Variants in TSHZ2 observed in about 807,000 individuals in gnomAD.
The protein encoded by TSHZ2 is teashirt zinc finger homeobox 2.
A neutral mutation model predicts 74.4 loss-of-function variants in TSHZ2; 21 were observed. That is an observed-to-expected ratio of 0.28 (90% confidence interval 0.20 to 0.41). The LOEUF is 0.41. Among genes scored for constraint, TSHZ2 ranks in the 10% least tolerant of loss-of-function variants. The pLI, the probability that TSHZ2 is intolerant of heterozygous loss-of-function variation, is 1.00. For missense variants in TSHZ2, 1,244 were observed against 1,293.5 expected, an observed-to-expected ratio of 0.96 and a Z score of 0.59; for synonymous variants, 540 against 515.3, an observed-to-expected ratio of 1.05 and a Z score of -0.65.
chr20:53,440,538 C>T (rs1441711763), intron 2 of TSHZ2, among the ~76,000 whole-genome samples: 1 of 152,198 alleles, frequency 6.6e-6, no homozygotes, highest in Non-Finnish European at 1.5e-5. Context: ...TCCTCAGGCT[C>T]AGGCATTGTT....
chr20:53,187,141 C>G (rs1255503139), intron 1 of TSHZ2, among the ~76,000 whole-genome samples: 3 of 152,244 alleles, frequency 2.0e-5, no homozygotes, highest in East Asian at 1.9e-4. Flanking sequence ...ATTTGACACT[C>G]GCCGCACGTC....
At chr20:53,371,712 C>T (rs774109646) in intron 2 of TSHZ2, among the ~76,000 whole-genome samples, 2 of 151,928 alleles carry the variant, frequency 1.3e-5, no homozygotes, top group Non-Finnish European at 2.9e-5. Context: ...CCCATCTCTA[C>T]TAAAAATATA....
At chr20:53,315,781 T>A (rs555055741) in intron 2 of TSHZ2, among the ~76,000 whole-genome samples, 1 of 152,298 alleles carries the variant, frequency 6.6e-6, no homozygotes, top group African/African-American at 2.4e-5. Context: ...AATAAATAAC[T>A]AATCCATTAT....
chr20:53,185,266 G>A (rs550982863), intron 1 of TSHZ2: 23 of 1,012,118 alleles, frequency 2.3e-5, no homozygotes, highest in Non-Finnish European at 2.5e-5. Context: ...ATAAAACCTC[G>A]TGGGTTCAAA....
chr20:53,100,768 T>A (rs1986193758), intron 1 of TSHZ2, among the ~76,000 whole-genome samples: 1 of 152,214 alleles, frequency 6.6e-6, no homozygotes, highest in African/African-American at 2.4e-5. Flanking sequence ...GAACAACCTC[T>A]GGACAAAATA....
intron 1 of TSHZ2, among the ~76,000 whole-genome samples, chr20:53,215,129 T>C (rs6126785): frequency 0.042 from 6,389 of 152,154 alleles, 391 homozygotes; most frequent in East Asian, 0.31. Flanking sequence ...TTTTTAAAGA[T>C]TATCTCATCA....
At chr20:53,339,652 C>T (rs1980100261) in intron 2 of TSHZ2, among the ~76,000 whole-genome samples, 2 of 152,112 alleles carry the variant, frequency 1.3e-5, no homozygotes, top group African/African-American at 4.8e-5. Flanking sequence ...TATGCAGTTG[C>T]ACAGGTCAAA....
chr20:53,140,960 A>G (rs981657591), intron 1 of TSHZ2, among the ~76,000 whole-genome samples: 42 of 152,242 alleles, frequency 2.8e-4, no homozygotes, highest in Non-Finnish European at 3.1e-4. Context: ...TGCATTTCAA[A>G]GGCATGCTTT....
chr20:53,329,811 A>C (rs979914511), intron 2 of TSHZ2, among the ~76,000 whole-genome samples: 10 of 152,168 alleles, frequency 6.6e-5, no homozygotes, highest in African/African-American at 2.4e-4. Context: ...CTGGAGGAAA[A>C]GAAAGAGAAA....
At chr20:53,168,246 GC>G (rs1385988664) in intron 1 of TSHZ2, among the ~76,000 whole-genome samples, 2 of 152,120 alleles carry the variant, frequency 1.3e-5, no homozygotes, top group Non-Finnish European at 2.9e-5. Context: ...CGGACGTGTA[GC>G]CCCTACCCTC....
In TSHZ2 at chr20:53,147,504, A is replaced by G. The variant is rs1421255091; in HGVS notation, c.41-105995A>G. Among the ~76,000 whole-genome samples, 4 of 152,234 alleles carry G rather than the reference A, an allele frequency of 2.6e-5. No homozygotes were observed. In the East Asian group the frequency reaches 7.7e-4, roughly 29 times the overall value. On this transcript the variant is annotated intron_variant, in intron 1 of 2. Transcript: ENST00000371497. Reference sequence around the variant, plus strand: ...CACAAAGATTTAATAATATTGTTTAATGAATACTAATTCAATATTTTTCAA... The same window carrying G: ...CACAAAGATTTAATAATATTGTTTAGTGAATACTAATTCAATATTTTTCAA...
intron 2 of TSHZ2, among the ~76,000 whole-genome samples, chr20:53,283,697 A>G (rs1399407371): frequency 1.3e-5 from 2 of 152,226 alleles, no homozygotes; most frequent in African/African-American, 4.8e-5. Flanking sequence ...TGCTCTGGGA[A>G]GTAGGTGATT....
chr20:53,354,808 A>G (rs1036797108), intron 2 of TSHZ2, among the ~76,000 whole-genome samples: 1 of 152,292 alleles, frequency 6.6e-6, no homozygotes, highest in Non-Finnish European at 1.5e-5. Context: ...TATGATATAC[A>G]ATTAATTGTA....
At chr20:53,457,174 T>A (rs1423410130) in intron 2 of TSHZ2, among the ~76,000 whole-genome samples, 1 of 142,290 alleles carries the variant, frequency 7.0e-6, no homozygotes, top group East Asian at 2.1e-4. Flanking sequence ...ACGATATTGA[T>A]TCTTCCTACC....
At chr20:53,059,091 A>G (rs1257500586) in intron 1 of TSHZ2, among the ~76,000 whole-genome samples, 1 of 152,216 alleles carries the variant, frequency 6.6e-6, no homozygotes, top group East Asian at 1.9e-4. Context: ...AAATGTGAGT[A>G]GTCTTGAATT....
At chr20:53,050,467 G>C (rs1984421062) in intron 1 of TSHZ2, among the ~76,000 whole-genome samples, 1 of 152,018 alleles carries the variant, frequency 6.6e-6, no homozygotes, top group South Asian at 2.1e-4. Context: ...TCTCTTGATT[G>C]TGTTGATTGA....
chr20:53,328,188 A>T (rs1185649465), intron 2 of TSHZ2, among the ~76,000 whole-genome samples: 1 of 152,214 alleles, frequency 6.6e-6, no homozygotes, highest in African/African-American at 2.4e-5. Flanking sequence ...GAGATTGCTA[A>T]ATTTCCAAGA....
chr20:52,982,703 A>G (rs1981613944), intron 1 of TSHZ2, among the ~76,000 whole-genome samples: 1 of 152,216 alleles, frequency 6.6e-6, no homozygotes, highest in South Asian at 2.1e-4. Context: ...CACAATATTG[A>G]ATAGTCCTAA....
chr20:53,033,651 C>CTTTTTTTTTTTT (rs61445726), intron 1 of TSHZ2, among the ~76,000 whole-genome samples: 4 of 59,020 alleles, frequency 6.8e-5, no homozygotes, highest in African/African-American at 1.3e-4. Flanking sequence ...TGATAAAAAG[C>CTTTTTTTTTTTT]TTTTTTTTTT....
Sources: gnomAD v4.1 joint callset for allele counts (sites outside exome capture counted in the v4.1 genomes callset) on GRCh38, gnomAD v4.1.1 for gene constraint, MANE v1.5 for transcripts, NCBI Gene and HGNC (gene_info 2026-07-23, HGNC 2026-07-21) for gene names.